SHROOM4: variants seen among roughly 807,000 people sequenced by gnomAD.
SHROOM4 encodes protein Shroom4.
Under a neutral mutation model 80.3 loss-of-function variants are expected in SHROOM4, and 17 were observed. That is an observed-to-expected ratio of 0.21 (90% CI 0.14 to 0.32). SHROOM4 has a LOEUF of 0.32. Ranked by LOEUF, SHROOM4 falls within the 10% of genes least tolerant of loss-of-function variation. The pLI, the probability that SHROOM4 is intolerant of heterozygous loss-of-function variation, is 1.00. For missense variants in SHROOM4, 993 were observed against 1,140.3 expected (o/e 0.87, Z 1.86); for synonymous variants, 400 against 437.5 (o/e 0.91, Z 1.07).
chrX:50,649,667 T>C (rs1931966441), intron 2 of SHROOM4: 2 of 111,930 alleles, frequency 1.8e-5, no homozygotes, highest in Admixed American at 9.5e-5. Flanking sequence ...ATAACTAAAA[T>C]TGCAATGATA....
In SHROOM4 at chrX:50,635,341, A is replaced by G; in HGVS notation, c.732T>C (p.Asn244=). 1 of 1,202,395 alleles carries G rather than the reference A, an allele frequency of 8.3e-7. No homozygotes were observed. Among genetic ancestry groups the G allele is most frequent in the Non-Finnish European group, 1.1e-6 (1 of 890,738 alleles). ...GAGAGCTGGGGGTCAGGTGGCCCCCATTGGTGCGCCGACTACCTCCTGAGG... is the reference window on the plus strand; with the variant it reads ...GAGAGCTGGGGGTCAGGTGGCCCCCGTTGGTGCGCCGACTACCTCCTGAGG... The part of the protein sequence containing the change: ...AETSGGSRRT[N]GGHLTPSSQM... Residue 244 remains asparagine, a synonymous_variant, in exon 4 of 9, where the codon AAT becomes AAC. Transcript: ENST00000376020.
intron 1 of SHROOM4, among the ~76,000 whole-genome samples, chrX:50,792,431 G>A (rs781848514): frequency 9.1e-6 from 1 of 109,719 alleles, no homozygotes; most frequent in East Asian, 2.9e-4. Context: ...GCTTGAACCC[G>A]GGCAGCAGAG....
chrX:50,811,337 G>A (rs1161069064), intron 1 of SHROOM4, among the ~76,000 whole-genome samples: 2 of 109,362 alleles, frequency 1.8e-5, no homozygotes, highest in East Asian at 5.8e-4. Flanking sequence ...ATGGCTACTA[G>A]ATTGTCATAG....
chrX:50,784,073 T>TAA (rs1391872666), intron 1 of SHROOM4, among the ~76,000 whole-genome samples: 1 of 112,284 alleles, frequency 8.9e-6, no homozygotes, highest in African/African-American at 3.2e-5. Flanking sequence ...GATCCATATG[T>TAA]AAAAGGTCAA....
chrX:50,660,573 TCCC>T, intron 2 of SHROOM4, among the ~76,000 whole-genome samples: 3 of 43,899 alleles, frequency 6.8e-5, no homozygotes, highest in Non-Finnish European at 1.1e-4. Flanking sequence ...CCTCCCTCCC[TCCC>T]TTCCTCCCTC....
At chrX:50,807,707 G>T (rs782382609) in intron 1 of SHROOM4, among the ~76,000 whole-genome samples, 4 of 110,897 alleles carry the variant, frequency 3.6e-5, no homozygotes, top group Non-Finnish European at 5.7e-5. Flanking sequence ...TCTCCCCTAC[G>T]ATGCATTTAC....
At chrX:50,750,000 T>C (rs1438673065) in intron 1 of SHROOM4, among the ~76,000 whole-genome samples, 2 of 111,726 alleles carry the variant, frequency 1.8e-5, no homozygotes, top group Non-Finnish European at 1.9e-5. Flanking sequence ...GGGAAGCTTC[T>C]TGAGGACCTC....
At chrX:50,761,750 G>A (rs1935162840) in intron 1 of SHROOM4, among the ~76,000 whole-genome samples, 1 of 110,507 alleles carries the variant, frequency 9.0e-6, no homozygotes, top group Non-Finnish European at 1.9e-5. Flanking sequence ...TAGTAGAGAC[G>A]GGGTTTCACC....
the SHROOM4 span, among the ~76,000 whole-genome samples, chrX:50,579,272 G>T: frequency 1.8e-5 from 2 of 112,053 alleles, no homozygotes; most frequent in East Asian, 5.6e-4. Flanking sequence ...ATTCAAAAAT[G>T]ATTTACAGTG....
intron 2 of SHROOM4, among the ~76,000 whole-genome samples, chrX:50,665,952 G>A (rs1557260317): frequency 1.8e-5 from 2 of 111,529 alleles, no homozygotes; most frequent in African/African-American, 6.5e-5. Flanking sequence ...ATCTTTTCCT[G>A]GTCTTAATAT....
chrX:50,722,944 A>G (rs781930509), intron 1 of SHROOM4, among the ~76,000 whole-genome samples: 7 of 110,558 alleles, frequency 6.3e-5, no homozygotes, highest in African/African-American at 2.3e-4. Flanking sequence ...TAAAATTACC[A>G]TACCATAAAA....
chrX:50,598,652 C>T, intron 7 of SHROOM4, 117 bp from the exon 8 acceptor site: 2 of 911,693 alleles, frequency 2.2e-6, no homozygotes, highest in East Asian at 6.8e-5. Context: ...CTATCCTAGT[C>T]ACTGGAAACA....
intron 2 of SHROOM4, among the ~76,000 whole-genome samples, chrX:50,695,548 A>C (rs1386759896): frequency 8.9e-6 from 1 of 112,293 alleles, no homozygotes; most frequent in African/African-American, 3.2e-5. Context: ...AAATAAGGAA[A>C]CAGTCTTGCA....
At chrX:50,652,733 T>C (rs1214883722) in intron 2 of SHROOM4, among the ~76,000 whole-genome samples, 1 of 112,236 alleles carries the variant, frequency 8.9e-6, no homozygotes, top group Non-Finnish European at 1.9e-5. Flanking sequence ...TAATCCATCG[T>C]AATTTTTGTA....
At chrX:50,658,695 T>A (rs1283038997) in intron 2 of SHROOM4, among the ~76,000 whole-genome samples, 2 of 111,336 alleles carry the variant, frequency 1.8e-5, no homozygotes, top group Non-Finnish European at 3.8e-5. Context: ...GGGAAGATGA[T>A]GAACCTGAAA....
At chrX:50,622,704 G>C (rs1231841819) in intron 5 of SHROOM4, among the ~76,000 whole-genome samples, 5 of 111,689 alleles carry the variant, frequency 4.5e-5, no homozygotes, top group African/African-American at 9.8e-5. Context: ...GGTGGGGGAA[G>C]GTGTGAAGGG....
At chrX:50,578,617 T>A in the SHROOM4 span, among the ~76,000 whole-genome samples, 2 of 111,512 alleles carry the variant, frequency 1.8e-5, no homozygotes, top group Non-Finnish European at 3.8e-5. Flanking sequence ...TTTTTGTATT[T>A]TTAGTAGAGA....
At chrX:50,796,067 A>T (rs1279919438) in intron 1 of SHROOM4, among the ~76,000 whole-genome samples, 2 of 111,900 alleles carry the variant, frequency 1.8e-5, no homozygotes, top group Non-Finnish European at 3.8e-5. Context: ...ATCAAGATGA[A>T]GCAAGTTTTT....
At chrX:50,599,784 C>T (rs182367783) in intron 7 of SHROOM4, among the ~76,000 whole-genome samples, 113 of 111,888 alleles carry the variant, frequency 1.0e-3, no homozygotes, top group Non-Finnish European at 1.8e-3. Flanking sequence ...GGAAGCCCTC[C>T]TCTGTAAGTC....
Sources: allele counts gnomAD v4.1 joint callset (sites outside exome capture counted in the v4.1 genomes callset), GRCh38; gene constraint gnomAD v4.1.1; transcripts MANE v1.5; gene names NCBI Gene and HGNC (gene_info 2026-07-23, HGNC 2026-07-21).